Variants in WDR17 observed in about 807,000 individuals in gnomAD.
The protein encoded by WDR17 is WD repeat-containing protein 17.
WDR17 carries 143 observed loss-of-function variants against 161.7 expected under a neutral mutation model. That is an observed-to-expected ratio of 0.88 (90% CI 0.77 to 1.02). WDR17 has a LOEUF of 1.02. Ranked by LOEUF, WDR17 falls within the 50% of genes least tolerant of loss-of-function variation. The probability of loss-of-function intolerance (pLI) is 0.00; values close to 1 mark genes in which losing one functional copy is unlikely to be tolerated. For missense variants in WDR17, 1,469 were observed against 1,520.9 expected, an observed-to-expected ratio of 0.97 and a Z score of 0.57; for synonymous variants, 517 against 515.6, an observed-to-expected ratio of 1.00 and a Z score of -0.04.
At chr4:176,156,252 C>A in intron 18 of WDR17, 109 bp downstream of exon 18, 1 of 997,952 alleles carries the variant, frequency 1.0e-6, no homozygotes, top group Non-Finnish European at 1.5e-6. Context: ...CTTATGTTGT[C>A]TTAAATAACA....
In WDR17 at chr4:176,115,995, G is replaced by A; in HGVS notation, c.307+16G>A. On this transcript the variant is annotated intron_variant, in intron 3 of 28. Transcript: ENST00000508596. The stretch of plus-strand genomic sequence containing the variant: ...AGTACAAAAGGTATAATTACAACTG[G>A]GATTTATTTTATGGAATAAAATATT... The A allele has an allele frequency of 4.5e-6, 7 of 1,565,330 alleles. No individual in the cohort carries two copies. The highest frequency in any genetic ancestry group is 2.5e-5 in the South Asian group (2 of 81,076).
At chr4:176,075,857 A>C (rs1316564935) in intron 1 of WDR17, among the ~76,000 whole-genome samples, 1 of 152,016 alleles carries the variant, frequency 6.6e-6, no homozygotes, top group Non-Finnish European at 1.5e-5. Context: ...TGTGTGCTGT[A>C]GTCTCAGTTC....
At position 176,085,533 on chromosome 4, in the gene WDR17, T is replaced by G. The variant is rs1735316218; in HGVS notation, c.-7+19454T>G. Reference sequence around the variant, plus strand: ...CATTCTTCTATCAACTTTGGTAACTTGTATTTCTTTTTGAAGAATGTGTCC... The same window carrying G: ...CATTCTTCTATCAACTTTGGTAACTGGTATTTCTTTTTGAAGAATGTGTCC... On this transcript the variant is annotated intron_variant, in intron 1 of 28. Transcript: ENST00000508596. Among the ~76,000 whole-genome samples, 2 of 152,106 alleles carry G rather than the reference T, an allele frequency of 1.3e-5. 1 individual carries two copies. Among genetic ancestry groups the G allele is most frequent in the South Asian group, 4.1e-4 (2 of 4,834 alleles).
chr4:176,137,811 A>C (rs570267594), intron 9 of WDR17, among the ~76,000 whole-genome samples, 200 bp downstream of exon 9: 1 of 151,624 alleles, frequency 6.6e-6, no homozygotes, highest in Non-Finnish European at 1.5e-5. Context: ...CTGAAGTTGC[A>C]GTAGAGAGTC....
intron 1 of WDR17, among the ~76,000 whole-genome samples, chr4:176,086,599 A>G (rs1735453113): frequency 6.6e-6 from 1 of 151,682 alleles, no homozygotes; most frequent in Admixed American, 6.6e-5. Flanking sequence ...TTTATCTTTG[A>G]TTTACATAAG....
At chr4:176,126,202 A>G (rs1742421026) in intron 5 of WDR17, among the ~76,000 whole-genome samples, 1 of 152,208 alleles carries the variant, frequency 6.6e-6, no homozygotes, top group African/African-American at 2.4e-5. Context: ...CCGTGGGTTG[A>G]ATGGATACTC....
In WDR17 at chr4:176,149,754, A is replaced by C. The variant is rs890082608; in HGVS notation, c.1898-53A>C. On this transcript the variant is annotated intron_variant, in intron 13 of 28. Coordinates refer to ENST00000508596, the MANE Select transcript of WDR17 (RefSeq NM_181265.4). ...AAGTTTTATGAAGCACATATAAATA[A>C]AAAATATTTTTCAATGTTCACTTTA... 21 of 1,593,370 alleles carry C rather than the reference A, an allele frequency of 1.3e-5. No individual in the cohort carries two copies. In the Admixed American group the frequency reaches 1.9e-4, roughly 14 times the overall value.
intron 1 of WDR17, among the ~76,000 whole-genome samples, chr4:176,071,725 T>G (rs1733277876): frequency 1.3e-5 from 2 of 152,246 alleles, no homozygotes; most frequent in African/African-American, 4.8e-5. Flanking sequence ...AAATCAAAAA[T>G]TATTTCCATG....
At chr4:176,176,402 T>G (rs1751461574) in intron 26 of WDR17, among the ~76,000 whole-genome samples, 1 of 152,128 alleles carries the variant, frequency 6.6e-6, no homozygotes, top group Admixed American at 6.6e-5. Context: ...CCCCAAAGTT[T>G]CATTCTCTCG....
intron 1 of WDR17, among the ~76,000 whole-genome samples, chr4:176,100,266 T>C (rs1737606560): frequency 6.6e-6 from 1 of 152,184 alleles, no homozygotes. Context: ...TTTTTAGTAA[T>C]AGGCACTCTG....
chr4:176,118,579 C>T (rs988801388), intron 3 of WDR17, among the ~76,000 whole-genome samples: 6 of 152,060 alleles, frequency 3.9e-5, no homozygotes, highest in Admixed American at 2.0e-4. Flanking sequence ...TGTCAATCAG[C>T]GAATTTCCAC....
In WDR17 at chr4:176,179,590, T is replaced by C; in HGVS notation, c.*11T>C. The C allele has an allele frequency of 6.5e-7, 1 of 1,537,094 alleles. No individual in the cohort carries two copies. The highest frequency in any genetic ancestry group is 8.7e-7 in the Non-Finnish European group (1 of 1,143,614). ...CTCAATCCATTCTGATAGAAGATTT[T>C]TGTCCATGCTTGATTTTTTTTTTTA... is the stretch of plus-strand genomic sequence containing the variant. On this transcript the variant is annotated 3_prime_UTR_variant, in exon 29 of 29. Transcript: ENST00000508596.
At chr4:176,133,731 T>G (rs910370629) in intron 7 of WDR17, among the ~76,000 whole-genome samples, 9 of 151,682 alleles carry the variant, frequency 5.9e-5, no homozygotes, top group African/African-American at 2.2e-4. Flanking sequence ...GATTCCAGAT[T>G]ACATAGGATG....
chr4:176,080,529 G>A (rs1226726383), intron 1 of WDR17, among the ~76,000 whole-genome samples: 4 of 152,096 alleles, frequency 2.6e-5, no homozygotes, highest in African/African-American at 7.2e-5. Flanking sequence ...TGAAAGAGAT[G>A]TTTCAGGAGG....
At chr4:176,155,545 GTT>G (rs869207103) in intron 17 of WDR17, among the ~76,000 whole-genome samples, 4 of 105,226 alleles carry the variant, frequency 3.8e-5, no homozygotes, top group Non-Finnish European at 7.6e-5. Context: ...ATTTGTTTGT[GTT>G]TTTTTTTTTT....
chr4:176,096,585 A>T, intron 1 of WDR17: 2 of 1,583,008 alleles, frequency 1.3e-6, no homozygotes, highest in Non-Finnish European at 8.6e-7. Context: ...GACTACAAAG[A>T]GTAAGATACA....
At chr4:176,150,360 G>C in intron 15 of WDR17, 108 bp from the exon 16 acceptor site, 1 of 1,466,136 alleles carries the variant, frequency 6.8e-7, no homozygotes, top group Non-Finnish European at 9.1e-7. Flanking sequence ...TAGTTATTTT[G>C]TTAATTTTTA....
chr4:176,114,420 T>C (rs891461441), intron 2 of WDR17, among the ~76,000 whole-genome samples: 5 of 152,084 alleles, frequency 3.3e-5, no homozygotes, highest in Admixed American at 6.6e-5. Context: ...GAAATACTTA[T>C]GTGATTAGTC....
At position 176,182,605 on chromosome 4, in the gene WDR17, G is replaced by A. The variant is rs994375513; in HGVS notation, c.*3026G>A. 6.6e-6 allele frequency: 1 copy of A among 151,890 alleles called. No homozygotes were observed. The highest frequency in any genetic ancestry group is 1.5e-5 in the Non-Finnish European group (1 of 67,982). The allele number at this position is 151,890 out of a possible 1,614,324, so 9.4% of individuals were successfully genotyped here. ...TTAGTAGTTCATATTTAGTATATCA[G>A]TAATATAGAAGACATCTTTATAGTC... On this transcript the variant is annotated 3_prime_UTR_variant, in exon 29 of 29. Coordinates refer to ENST00000508596, the MANE Select transcript of WDR17 (RefSeq NM_181265.4). The surrounding 1 kb of genome is among the most constrained non-coding windows in gnomAD (Gnocchi z 4.2).
Sources: gnomAD v4.1 joint callset for allele counts (sites outside exome capture counted in the v4.1 genomes callset) on GRCh38, gnomAD v4.1.1 for gene constraint, Gnocchi (gnomAD v3.1) non-coding constraint, MANE v1.5 for transcripts, NCBI Gene and HGNC (gene_info 2026-07-23, HGNC 2026-07-21) for gene names.